ZNF550: variants seen among roughly 807,000 people sequenced by gnomAD.
ZNF550 encodes zinc finger protein 550.
A neutral mutation model predicts 40.2 loss-of-function variants in ZNF550; 42 were observed. That is an observed-to-expected ratio of 1.05 (90% CI 0.82 to 1.35). The LOEUF is 1.35. ZNF550 is among the 40% of genes most tolerant of loss of function. ZNF550 has a pLI of 0.00. For missense variants in ZNF550, 549 were observed against 525.2 expected (o/e 1.05, Z -0.44); for synonymous variants, 223 against 198.6 (o/e 1.12, Z -1.03).
exon 4 of ZNF550, chr19:57,547,451 C>T (rs2090027493): frequency 1.9e-6 from 3 of 1,614,148 alleles, no homozygotes; most frequent in Non-Finnish European, 2.5e-6. Context: ...AAGGCCTTCC[C>T]ACACTCAAGG....
intron 1 of ZNF550, 157 bp from the exon 2 acceptor site, chr19:57,556,514 G>T: frequency 1.2e-6 from 1 of 861,134 alleles, no homozygotes; most frequent in Non-Finnish European, 1.8e-6. Flanking sequence ...AGGGGAGGCA[G>T]ATACTGCCTT....
At position 57,547,193 on chromosome 19, in the gene ZNF550, C is replaced by G. The variant is rs138019714; in HGVS notation, c.1051G>C (p.Ala351Pro). 708 of 1,611,586 alleles carry G rather than the reference C, an allele frequency of 4.4e-4. 8 individuals are homozygous for G. The East Asian group carries it at 0.012, about 28-fold the overall frequency. Reference sequence around the variant, plus strand: ...ATGAGTTCTGAGCTGCATCTGAAGGCCTTTCCACATGCCATGCAATCATAG... The same window carrying G: ...ATGAGTTCTGAGCTGCATCTGAAGGGCTTTCCACATGCCATGCAATCATAG... Residue 351 changes from alanine (A) to proline (P), a missense_variant, in exon 4 of 5, where the codon GCC becomes CCC. Coordinates refer to ENST00000457177, the Ensembl canonical transcript of ZNF550.
chr19:57,550,855 A>G (rs1247014818), intron 3 of ZNF550, among the ~76,000 whole-genome samples: 2 of 152,228 alleles, frequency 1.3e-5, no homozygotes, highest in African/African-American at 4.8e-5. Flanking sequence ...TCTTCCAAAC[A>G]TGAGACAACT....
exon 4 of ZNF550, chr19:57,546,561 T>A: frequency 1.0e-6 from 1 of 993,948 alleles, no homozygotes; most frequent in Non-Finnish European, 1.2e-6. Flanking sequence ...GTCACAAAGT[T>A]TTCTCACATC....
exon 4 of ZNF550, chr19:57,546,558 A>G (rs1191765482): frequency 3.0e-6 from 3 of 994,834 alleles, no homozygotes; most frequent in East Asian, 1.1e-4. Context: ...CTGGTCACAA[A>G]GTTTTCTCAC....
At chr19:57,542,861 A>C (rs1272252163) in exon 5 of ZNF550, 4 of 152,186 alleles carry the variant, frequency 2.6e-5, no homozygotes, top group Non-Finnish European at 4.4e-5. Flanking sequence ...AGTCATAGTC[A>C]ATTAGGAACT....
chr19:57,555,474 G>A (rs2090111577), intron 2 of ZNF550: 1 of 152,524 alleles, frequency 6.6e-6, no homozygotes, highest in African/African-American at 2.4e-5. Flanking sequence ...GAGTAGCTGG[G>A]ATTACAGGCG....
chr19:57,550,763 T>G (rs2123352979), intron 3 of ZNF550, among the ~76,000 whole-genome samples: 1 of 152,350 alleles, frequency 6.6e-6, no homozygotes, highest in Non-Finnish European at 1.5e-5. Context: ...CCTTCAAATT[T>G]GTACTTATTA....
rs889324580 is a variant in ZNF550, at chr19:57,543,658, G to A, written c.*519-415C>T. The A allele has an allele frequency of 6.0e-5, 59 of 984,980 alleles. No homozygotes were observed. In the African/African-American group the frequency reaches 6.8e-4, roughly 11 times the overall value. 61.0% of individuals were successfully genotyped at this position (984,980 alleles called of 1,614,324 possible). ...AACATGAAAACGTTTTACCTCTGCC[G>A]GGCACGGTGGCTCACGCCTGTAATC... is the stretch of plus-strand genomic sequence containing the variant. On this transcript the variant is annotated intron_variant, in intron 4 of 4. Transcript: ENST00000457177.
upstream of ZNF550, among the ~76,000 whole-genome samples, chr19:57,560,936 A>G (rs1256990331): frequency 6.6e-6 from 1 of 151,974 alleles, no homozygotes; most frequent in African/African-American, 2.4e-5. Flanking sequence ...CAGCATTCCT[A>G]TTTTGTGGGT....
chr19:57,544,815 A>G (rs375352222), intron 4 of ZNF550, among the ~76,000 whole-genome samples: 1 of 152,180 alleles, frequency 6.6e-6, no homozygotes, highest in East Asian at 1.9e-4. Context: ...AATCTCACAA[A>G]AGGAATTTCA....
chr19:57,547,096 C>A, exon 4 of ZNF550: 2 of 1,613,854 alleles, frequency 1.2e-6, no homozygotes, highest in Non-Finnish European at 8.5e-7. Context: ...GAGGTACGTG[C>A]TCCGGTGAAA....
chr19:57,547,585 C>T (rs1238555052), exon 4 of ZNF550: 9 of 1,614,042 alleles, frequency 5.6e-6, no homozygotes, highest in Admixed American at 3.3e-5. Flanking sequence ...CCTCTGATGT[C>T]GAACGAGATA....
At chr19:57,548,049 C>A in intron 3 of ZNF550, 56 bp from the exon 4 acceptor site, 1 of 1,465,158 alleles carries the variant, frequency 6.8e-7, no homozygotes, top group Non-Finnish European at 9.3e-7. Flanking sequence ...TATAGAAAAA[C>A]ACAAAATAAC....
At chr19:57,556,612 T>C (rs565055606) in intron 1 of ZNF550, 3 of 392,220 alleles carry the variant, frequency 7.6e-6, no homozygotes, top group Admixed American at 8.3e-5. Context: ...ACGAGGACTA[T>C]GGGAAGCAGA....
chr19:57,548,463 G>A lies in ZNF550; in HGVS notation c.251-470C>T, dbSNP rs1451624529. ...AAGAATACATACAAATGGCCAACAG[G>A]TATATGAAAAACTGCTCAATATAAT... On this transcript the variant is annotated intron_variant, in intron 3 of 4. Coordinates refer to ENST00000457177, the Ensembl canonical transcript of ZNF550. Among the ~76,000 whole-genome samples, 5 of 152,152 alleles carry A rather than the reference G, an allele frequency of 3.3e-5. No homozygotes were observed. The South Asian group carries it at 1.0e-3, about 32-fold the overall frequency.
intron 3 of ZNF550, 117 bp from the exon 4 acceptor site, chr19:57,548,110 AT>A: frequency 2.1e-6 from 2 of 949,618 alleles, no homozygotes; most frequent in South Asian, 1.6e-5. Flanking sequence ...TACTTGCTGC[AT>A]TTTTACATCT....
exon 4 of ZNF550, chr19:57,546,798 T>C: frequency 7.2e-7 from 1 of 1,389,450 alleles, no homozygotes; most frequent in Non-Finnish European, 9.3e-7. Context: ...TTCACAGGGC[T>C]TCTCTCCAAA....
chr19:57,551,538 G>T (rs1482335215), intron 3 of ZNF550, among the ~76,000 whole-genome samples: 1 of 152,318 alleles, frequency 6.6e-6, no homozygotes, highest in East Asian at 1.9e-4. Flanking sequence ...GATGAAGGTA[G>T]GTGGAGTCCA....
Sources: allele counts gnomAD v4.1 joint callset (sites outside exome capture counted in the v4.1 genomes callset), GRCh38; gene constraint gnomAD v4.1.1; transcripts MANE v1.5; gene names NCBI Gene and HGNC (gene_info 2026-07-23, HGNC 2026-07-21).